The following PLS1 variants were observed in gnomAD, a reference collection of about 807,000 sequenced individuals.
PLS1 encodes plastin 1.
Under a neutral mutation model 73.7 loss-of-function variants are expected in PLS1, and 32 were observed. The ratio of observed to expected loss-of-function variants is 0.43; its 90% CI spans 0.33 to 0.58. The LOEUF (loss-of-function observed/expected upper bound fraction) is 0.58, where lower values mean the gene tolerates loss of function less well. PLS1 is among the 20% of genes least tolerant of loss of function. The pLI is 0.04. For synonymous variants in PLS1, 217 were observed against 261.3 expected, an observed-to-expected ratio of 0.83 and a Z score of 1.63; for missense variants, 633 against 740.5, an observed-to-expected ratio of 0.85 and a Z score of 1.68.
chr3:142,621,011 T>C (rs1297056578), intron 1 of PLS1, among the ~76,000 whole-genome samples: 1 of 151,994 alleles, frequency 6.6e-6, no homozygotes, highest in African/African-American at 2.4e-5. Context: ...AGAGTGAGAC[T>C]CTGTCTCAAA....
rs1212080093 is a variant in PLS1, at chr3:142,713,459, T to C, written c.*1452T>C. ...GAAATATATTCTTCTACAAAAGAGA[T>C]TTCTTTCCCTTTTATATTTTGATGA... On this transcript the variant is annotated 3_prime_UTR_variant, in exon 16 of 16. Transcript: ENST00000457734. The C allele has an allele frequency of 6.6e-6, 1 of 152,582 alleles. No homozygotes were observed. The highest frequency in any genetic ancestry group is 1.9e-4 in the East Asian group (1 of 5,198). The allele number at this position is 152,582 out of a possible 1,614,324, so 9.5% of individuals were successfully genotyped here.
At chr3:142,635,732 G>C (rs1018388392) in intron 1 of PLS1, among the ~76,000 whole-genome samples, 10 of 152,186 alleles carry the variant, frequency 6.6e-5, no homozygotes, top group Non-Finnish European at 1.2e-4. Flanking sequence ...GGCTATTTTA[G>C]TAGAAATGGA....
intron 12 of PLS1, 152 bp from the exon 13 acceptor site, chr3:142,703,716 G>A: frequency 3.4e-6 from 2 of 585,578 alleles, no homozygotes; most frequent in Non-Finnish European, 6.1e-6. Context: ...AAATAATTAT[G>A]TCCTTGCTTT....
intron 1 of PLS1, among the ~76,000 whole-genome samples, chr3:142,661,121 GC>G (rs1258565044): frequency 6.6e-6 from 1 of 152,122 alleles, no homozygotes; most frequent in Non-Finnish European, 1.5e-5. Flanking sequence ...ACCACAAGTA[GC>G]ATTTTGCAGA....
chr3:142,623,789 T>C (rs750349572), intron 1 of PLS1, among the ~76,000 whole-genome samples: 2 of 152,230 alleles, frequency 1.3e-5, no homozygotes, highest in Non-Finnish European at 2.9e-5. Context: ...TTGAAAACTT[T>C]CTTCTGTAAG....
chr3:142,654,781 A>G (rs2037184527), intron 1 of PLS1: 1 of 152,236 alleles, frequency 6.6e-6, no homozygotes, highest in Non-Finnish European at 1.5e-5. Context: ...ACAGCAAACA[A>G]GTGCTCAATA....
Position 142,684,373 on chromosome 3 carries a change from G to T in PLS1, c.866G>T (p.Ser289Ile). The change falls in exon 8 of 16, where the codon AGC becomes ATC. Residue 289 changes from serine (S) to isoleucine (I), a missense_variant. Ser to Ile is a moderately radical substitution (Grantham distance 142). Coordinates refer to ENST00000457734, the MANE Select transcript of PLS1 (RefSeq NM_001145319.2). ...HLTNAGWHTI[S>I]NFSQDIKDSR... ...ACCAATGCAGGATGGCATACCATCA[G>T]CAACTTCAGCCAAGACATTAAGGTT... 1 of 1,613,614 alleles carries T rather than the reference G, an allele frequency of 6.2e-7. No individual in the cohort carries two copies. Among genetic ancestry groups the T allele is most frequent in the South Asian group, 1.1e-5 (1 of 91,054 alleles).
At chr3:142,661,156 C>T (rs1421852187) in intron 1 of PLS1, among the ~76,000 whole-genome samples, 16 of 151,986 alleles carry the variant, frequency 1.1e-4, no homozygotes, top group Non-Finnish European at 1.8e-4. Flanking sequence ...GCTTAACAAT[C>T]CTAAAAAAAC....
intron 5 of PLS1, 117 bp downstream of exon 5, chr3:142,676,406 A>T (rs1338076876): frequency 1.1e-6 from 1 of 939,976 alleles, no homozygotes; most frequent in Non-Finnish European, 1.6e-6. Context: ...TACTTAGGTC[A>T]TGAGGAATTT....
chr3:142,657,303 G>A (rs1302575695), intron 1 of PLS1: 2 of 152,202 alleles, frequency 1.3e-5, no homozygotes, highest in Non-Finnish European at 2.9e-5. Context: ...TCCTCATCTA[G>A]TGGTTTCTCA....
At chr3:142,622,534 T>C (rs572026775) in intron 1 of PLS1, among the ~76,000 whole-genome samples, 3 of 152,354 alleles carry the variant, frequency 2.0e-5, no homozygotes, top group African/African-American at 7.2e-5. Flanking sequence ...AACTGGCTTA[T>C]AAAAGTCCTT....
At chr3:142,647,510 T>C (rs935817685) in intron 1 of PLS1, among the ~76,000 whole-genome samples, 2 of 150,682 alleles carry the variant, frequency 1.3e-5, no homozygotes, top group Admixed American at 1.3e-4. Flanking sequence ...TTTCTTTTTT[T>C]TTTTTTTCTT....
intron 1 of PLS1, among the ~76,000 whole-genome samples, chr3:142,658,796 A>AT (rs2037300094): frequency 6.6e-6 from 1 of 152,252 alleles, no homozygotes; most frequent in African/African-American, 2.4e-5. Context: ...AGTTGGAAGA[A>AT]TTAACACTTT....
intron 5 of PLS1, among the ~76,000 whole-genome samples, chr3:142,677,723 G>A (rs1490212107): frequency 6.6e-6 from 1 of 152,008 alleles, no homozygotes; most frequent in African/African-American, 2.4e-5. Flanking sequence ...TGATGGATTT[G>A]TTTTAGGAAT....
intron 2 of PLS1, among the ~76,000 whole-genome samples, chr3:142,669,099 G>T (rs1437307929): frequency 6.6e-6 from 1 of 152,008 alleles, no homozygotes; most frequent in African/African-American, 2.4e-5. Flanking sequence ...TAAGTTGAGG[G>T]GCAGTGGTGC....
intron 1 of PLS1, among the ~76,000 whole-genome samples, chr3:142,619,289 C>T (rs1164954374): frequency 6.6e-6 from 1 of 152,178 alleles, no homozygotes; most frequent in African/African-American, 2.4e-5. Flanking sequence ...GAGAGGCACA[C>T]CCATTCAGCC....
At chr3:142,604,810 C>G (rs534834246) in intron 1 of PLS1, among the ~76,000 whole-genome samples, 6 of 152,092 alleles carry the variant, frequency 3.9e-5, no homozygotes, top group Non-Finnish European at 8.8e-5. Flanking sequence ...TGGTGGGTGC[C>G]TGTAGTCCCA....
intron 6 of PLS1, among the ~76,000 whole-genome samples, chr3:142,682,374 G>A (rs911514671): frequency 3.9e-5 from 6 of 152,192 alleles, no homozygotes; most frequent in African/African-American, 1.4e-4. Context: ...AAGACAGAGA[G>A]TAAAGTCATG....
At chr3:142,659,547 T>C (rs1192445693) in intron 1 of PLS1, among the ~76,000 whole-genome samples, 1 of 152,170 alleles carries the variant, frequency 6.6e-6, no homozygotes, top group Non-Finnish European at 1.5e-5. Context: ...ATTTGTTTGT[T>C]TTGGTAGGCT....
Sources: gnomAD v4.1 joint callset for allele counts (sites outside exome capture counted in the v4.1 genomes callset) on GRCh38, gnomAD v4.1.1 for gene constraint, MANE v1.5 for transcripts, NCBI Gene and HGNC (gene_info 2026-07-23, HGNC 2026-07-21) for gene names.